The following SYT17 variants were observed in gnomAD, a reference collection of about 807,000 sequenced individuals.
SYT17 encodes synaptotagmin 17, also known as synaptotagmin-17.
In SYT17, 22 loss-of-function variants were observed where a neutral mutation model predicts 46.7. That is an observed-to-expected ratio of 0.47 (90% CI 0.34 to 0.67). The LOEUF is 0.67. SYT17 is among the 30% of genes least tolerant of loss of function. SYT17 has a pLI of 0.01. For synonymous variants in SYT17, 251 were observed against 248.4 expected (o/e 1.01, Z -0.10); for missense variants, 519 against 612.8 (o/e 0.85, Z 1.62).
intron 5 of SYT17, among the ~76,000 whole-genome samples, chr16:19,204,124 G>A (rs988072612): frequency 3.3e-5 from 5 of 152,134 alleles, no homozygotes; most frequent in African/African-American, 2.4e-5. Context: ...TTTGGCACTC[G>A]TCACACCTTG....
At chr16:19,262,967 C>T (rs543136785) in intron 7 of SYT17, among the ~76,000 whole-genome samples, 3 of 152,034 alleles carry the variant, frequency 2.0e-5, no homozygotes, top group South Asian at 2.1e-4. Context: ...TGCCATTTCC[C>T]GTTTTTCATT....
chr16:19,250,011 C>T (rs1220981202), intron 7 of SYT17: 1 of 1,535,666 alleles, frequency 6.5e-7, no homozygotes, highest in African/African-American at 1.4e-5. Context: ...CTTGGATACC[C>T]TCACCTGGAA....
chr16:19,250,574 G>GTCTT (rs1967984530), intron 7 of SYT17, among the ~76,000 whole-genome samples: 1 of 152,108 alleles, frequency 6.6e-6, no homozygotes, highest in Non-Finnish European at 1.5e-5. Flanking sequence ...AGGTCTTGCT[G>GTCTT]TGTTCCCAGG....
chr16:19,250,034 A>G lies in SYT17; in HGVS notation c.1229-16846A>G, dbSNP rs758586070. 1.0e-5 allele frequency: 16 copies of G among 1,535,764 alleles called. No homozygotes were observed. The South Asian group carries it at 1.4e-4, about 14-fold the overall frequency. On this transcript the variant is annotated intron_variant, in intron 7 of 7. Coordinates refer to ENST00000355377, the MANE Select transcript of SYT17 (RefSeq NM_016524.4). The stretch of plus-strand genomic sequence containing the variant: ...CCCTCACCTGGAAATGAACATTTCC[A>G]TGGCATAAAGAAGCAAGTAAAGGCA...
intron 5 of SYT17, among the ~76,000 whole-genome samples, chr16:19,209,809 C>T (rs982954328): frequency 3.3e-5 from 5 of 151,938 alleles, no homozygotes; most frequent in African/African-American, 7.3e-5. Context: ...ACCCGGGAGG[C>T]GGAACTTGCA....
Position 19,168,569 on chromosome 16 carries a change from T to A in SYT17, c.-78T>A. 1.3e-6 allele frequency: 2 copies of A among 1,537,622 alleles called. No homozygotes were observed. The highest frequency in any genetic ancestry group is 2.4e-5 in the South Asian group (2 of 83,676). ...TTCTTCCTTTCCCCCTTTGCTTTCTTCCCCCTCCGCTGTTGGCGAGGGCAA... is the reference window on the plus strand; with the variant it reads ...TTCTTCCTTTCCCCCTTTGCTTTCTACCCCCTCCGCTGTTGGCGAGGGCAA... On this transcript the variant is annotated 5_prime_UTR_variant, in exon 1 of 8. Transcript: ENST00000355377. This position sits in a 1 kb window ranked among gnomAD's most constrained non-coding sequence, Gnocchi z 6.9.
At chr16:19,207,485 G>A (rs557891530) in intron 5 of SYT17, among the ~76,000 whole-genome samples, 37 of 152,228 alleles carry the variant, frequency 2.4e-4, no homozygotes, top group East Asian at 2.3e-3. Flanking sequence ...GAAGGCAAGG[G>A]GGGGAAAGAG....
intron 5 of SYT17, among the ~76,000 whole-genome samples, chr16:19,206,637 A>C (rs1188560292): frequency 6.6e-6 from 1 of 152,104 alleles, no homozygotes; most frequent in African/African-American, 2.4e-5. Context: ...AAACCACCCC[A>C]GGCCTCTCCT....
At chr16:19,253,005 C>T (rs1968297451) in intron 7 of SYT17, among the ~76,000 whole-genome samples, 1 of 152,178 alleles carries the variant, frequency 6.6e-6, no homozygotes, top group South Asian at 2.1e-4. Context: ...GCATTTCTAA[C>T]AGGTTTCCAG....
intron 5 of SYT17, chr16:19,211,289 G>A (rs958099157): frequency 3.1e-6 from 2 of 637,376 alleles, no homozygotes; most frequent in African/African-American, 3.6e-5. Flanking sequence ...GGTTGGATAG[G>A]ACAGGGGGTG....
At chr16:19,180,615 G>C (rs765374813) in intron 4 of SYT17, 76 bp downstream of exon 4, 25 of 1,575,322 alleles carry the variant, frequency 1.6e-5, no homozygotes, top group Non-Finnish European at 2.0e-5. Context: ...AGTCATGAAG[G>C]GCAGTGTTAT....
chr16:19,207,052 C>T (rs78020834), intron 5 of SYT17, among the ~76,000 whole-genome samples: 6,175 of 152,226 alleles, frequency 0.041, 456 homozygotes, highest in African/African-American at 0.14. Context: ...TCTGTTAGTT[C>T]TGCACAAGAG....
chr16:19,168,556 C>A lies in SYT17; in HGVS notation c.-91C>A. 1 of 1,528,822 alleles carries A rather than the reference C, an allele frequency of 6.5e-7. No individual in the cohort carries two copies. Among genetic ancestry groups the A allele is most frequent in the Non-Finnish European group, 8.8e-7 (1 of 1,131,152 alleles). The allele number at this position is 1,528,822 out of a possible 1,614,324, so 94.7% of individuals were successfully genotyped here. The stretch of plus-strand genomic sequence containing the variant: ...ACCGGCTGCCTTTTTCTTCCTTTCC[C>A]CCTTTGCTTTCTTCCCCCTCCGCTG... On this transcript the variant is annotated 5_prime_UTR_variant, in exon 1 of 8. Transcript: ENST00000355377. The surrounding 1 kb of genome is among the most constrained non-coding windows in gnomAD (Gnocchi z 6.9).
At position 19,224,761 on chromosome 16, in the gene SYT17, T is replaced by G. The variant is rs762720358; in HGVS notation, c.1151T>G (p.Ile384Ser). The change falls in exon 7 of 8, where the codon ATT becomes AGT. Residue 384 changes from isoleucine (I) to serine (S), a missense_variant. Transcript: ENST00000355377. ...TKKTSFLRGT[I>S]DPFYNESFSF... ...AAGACGTCCTTCTTAAGGGGCACAA[T>G]TGATCCTTTCTACAATGAATCCTTC... The G allele has an allele frequency of 1.2e-6, 2 of 1,614,118 alleles. No homozygotes were observed. Among genetic ancestry groups the G allele is most frequent in the East Asian group, 4.5e-5 (2 of 44,876 alleles).
chr16:19,221,397 G>T (rs1966313336), intron 5 of SYT17, among the ~76,000 whole-genome samples: 1 of 152,064 alleles, frequency 6.6e-6, no homozygotes, highest in Non-Finnish European at 1.5e-5. Flanking sequence ...TGTTTTTCAA[G>T]CAAGGCAAGA....
chr16:19,245,241 T>C (rs967169935), intron 7 of SYT17, among the ~76,000 whole-genome samples: 9 of 152,164 alleles, frequency 5.9e-5, no homozygotes, highest in African/African-American at 1.2e-4. Flanking sequence ...CATTTGACAA[T>C]GTCTGGAGGC....
intron 5 of SYT17, among the ~76,000 whole-genome samples, chr16:19,216,264 GCCT>G (rs1232700228): frequency 1.3e-5 from 2 of 151,924 alleles, no homozygotes; most frequent in African/African-American, 4.8e-5. Context: ...TAACTCAAAT[GCCT>G]CCTCCTCCAT....
At chr16:19,206,134 T>C (rs543258951) in intron 5 of SYT17, among the ~76,000 whole-genome samples, 10 of 152,180 alleles carry the variant, frequency 6.6e-5, no homozygotes, top group Admixed American at 3.9e-4. Context: ...AAAAACACCA[T>C]ATAAAGTAAA....
At chr16:19,192,153 C>T (rs1030409882) in intron 5 of SYT17, among the ~76,000 whole-genome samples, 3 of 152,200 alleles carry the variant, frequency 2.0e-5, no homozygotes, top group African/African-American at 7.2e-5. Flanking sequence ...GGCACGGTGC[C>T]TCACATCTGT....
Sources: allele counts gnomAD v4.1 joint callset (sites outside exome capture counted in the v4.1 genomes callset), GRCh38; gene constraint gnomAD v4.1.1; non-coding constraint Gnocchi (gnomAD v3.1); transcripts MANE v1.5; gene names NCBI Gene and HGNC (gene_info 2026-07-23, HGNC 2026-07-21).